The following MAOB variants were observed in gnomAD, a reference collection of about 807,000 sequenced individuals.
MAOB encodes the protein amine oxidase [flavin-containing] B.
MAOB carries 15 observed loss-of-function variants against 41.9 expected under a neutral mutation model. The ratio of observed to expected loss-of-function variants is 0.36; its 90% CI spans 0.24 to 0.55. The LOEUF (loss-of-function observed/expected upper bound fraction) is 0.55, where lower values mean the gene tolerates loss of function less well. Ranked by LOEUF, MAOB falls within the 20% of genes least tolerant of loss-of-function variation. The pLI is 0.86. For missense variants in MAOB, 345 were observed against 398.7 expected, an observed-to-expected ratio of 0.87 and a Z score of 1.15; for synonymous variants, 167 against 144.2, an observed-to-expected ratio of 1.16 and a Z score of -1.13.
intron 1 of MAOB, among the ~76,000 whole-genome samples, chrX:43,857,112 TATATAGAGAGAGAGAGAGAGAGAGAGAG>T (rs1162809534): frequency 1.1e-3 from 17 of 15,017 alleles, no homozygotes; most frequent in Non-Finnish European, 1.6e-3. Flanking sequence ...TATATATATA[TATATAGAGAGAGAGAGAGAGAGAGAGAG>T]AGAGAGAGAG....
At chrX:43,826,491 T>C (rs764058095) in intron 3 of MAOB, among the ~76,000 whole-genome samples, 1 of 112,234 alleles carries the variant, frequency 8.9e-6, no homozygotes, top group East Asian at 2.8e-4. Context: ...GTGGACAAAA[T>C]GGAAAAAGAA....
chrX:43,826,988 A>T (rs1453372912), intron 3 of MAOB, among the ~76,000 whole-genome samples: 1 of 111,834 alleles, frequency 8.9e-6, no homozygotes, highest in Non-Finnish European at 1.9e-5. Context: ...TACATGTATA[A>T]TATGATATAC....
intron 3 of MAOB, among the ~76,000 whole-genome samples, chrX:43,815,392 T>C (rs1461969360): frequency 9.0e-6 from 1 of 111,552 alleles, no homozygotes; most frequent in African/African-American, 3.3e-5. Context: ...AACTCCAGAG[T>C]GTTCTGGCCT....
At chrX:43,867,418 GA>G (rs1224896582) in intron 1 of MAOB, among the ~76,000 whole-genome samples, 1 of 112,304 alleles carries the variant, frequency 8.9e-6, no homozygotes, top group Non-Finnish European at 1.9e-5. Flanking sequence ...TTAGATCATG[GA>G]AAGTATTTTA....
chrX:43,853,314 G>A (rs764277686), intron 1 of MAOB, among the ~76,000 whole-genome samples: 1 of 103,921 alleles, frequency 9.6e-6, no homozygotes, highest in East Asian at 3.0e-4. Flanking sequence ...GAAATGAGAA[G>A]GAAAAGGACA....
chrX:43,874,040 G>A (rs369388751), intron 1 of MAOB, among the ~76,000 whole-genome samples: 1 of 111,960 alleles, frequency 8.9e-6, no homozygotes, highest in South Asian at 3.7e-4. Flanking sequence ...AGAGATACAC[G>A]TTTTATCATT....
chrX:43,793,156 A>G (rs2034483739), intron 8 of MAOB, among the ~76,000 whole-genome samples: 1 of 111,523 alleles, frequency 9.0e-6, no homozygotes, highest in Non-Finnish European at 1.9e-5. Flanking sequence ...AAAGATGAAA[A>G]TAATAGACAC....
intron 8 of MAOB, among the ~76,000 whole-genome samples, chrX:43,790,716 G>A (rs1444958191): frequency 9.1e-6 from 1 of 110,392 alleles, no homozygotes; most frequent in Non-Finnish European, 1.9e-5. Context: ...CGAGAAGCTG[G>A]TACCACAGGT....
chrX:43,855,111 C>T (rs2035279673), intron 1 of MAOB, among the ~76,000 whole-genome samples: 1 of 111,434 alleles, frequency 9.0e-6, no homozygotes, highest in Non-Finnish European at 1.9e-5. Flanking sequence ...GGTGGCAGGT[C>T]AAGACTGTGA....
At chrX:43,803,224 A>G (rs753919920) in intron 4 of MAOB, 76 bp downstream of exon 4, 9 of 905,769 alleles carry the variant, frequency 9.9e-6, no homozygotes, top group South Asian at 6.1e-5. Context: ...GGTGTTGGAG[A>G]TATATTTTAC....
intron 1 of MAOB, among the ~76,000 whole-genome samples, chrX:43,875,963 T>C (rs772821747): frequency 2.7e-5 from 3 of 110,617 alleles, no homozygotes; most frequent in African/African-American, 9.9e-5. Context: ...TTATTAATTA[T>C]TTATTTATTT....
chrX:43,778,793 A>G, intron 10 of MAOB, 54 bp from the exon 11 acceptor site: 9 of 981,464 alleles, frequency 9.2e-6, no homozygotes, highest in Non-Finnish European at 1.3e-5. Flanking sequence ...GAGGGAAAAA[A>G]AAAGTGGGAA....
chrX:43,831,456 A>G lies in MAOB; in HGVS notation c.279+7412T>C, dbSNP rs921356447. ...AAAAAGCCGTAACATTTGGTGTATGACATTCCAGACCTCTTATATAAGCAT... is the reference window on the plus strand; with the variant it reads ...AAAAAGCCGTAACATTTGGTGTATGGCATTCCAGACCTCTTATATAAGCAT... On this transcript the variant is annotated intron_variant, in intron 3 of 14. Transcript: ENST00000378069. Among the ~76,000 whole-genome samples the G allele has an allele frequency of 2.7e-5, 3 of 111,333 alleles. No individual in the cohort carries two copies. In the South Asian group the frequency reaches 1.1e-3, roughly 42 times the overall value.
chrX:43,882,264 G>T lies in MAOB; in HGVS notation c.36C>A (p.Gly12=). Residue 12 remains glycine (G), a synonymous_variant, in exon 1 of 15, where the codon GGC becomes GGA. Coordinates refer to ENST00000378069, the MANE Select transcript of MAOB (RefSeq NM_000898.5). The part of the protein sequence containing the change: ...SNKCDVVVVG[G]GISGMAAAKL... Reference sequence around the variant, plus strand: ...ACAGCCGCGACTAACCTGAGATGCCGCCCCCCACCACGACCACGTCGCATT... The same window carrying T: ...ACAGCCGCGACTAACCTGAGATGCCTCCCCCCACCACGACCACGTCGCATT... 1 of 1,209,210 alleles carries T rather than the reference G, an allele frequency of 8.3e-7. No individual in the cohort carries two copies. The highest frequency in any genetic ancestry group is 1.8e-5 in the South Asian group (1 of 56,483).
chrX:43,809,583 C>T (rs940325441), intron 3 of MAOB, among the ~76,000 whole-genome samples: 5 of 112,027 alleles, frequency 4.5e-5, no homozygotes, highest in African/African-American at 1.6e-4. Flanking sequence ...TGCAAATCTT[C>T]AAGCTTCAGG....
intron 3 of MAOB, among the ~76,000 whole-genome samples, chrX:43,836,774 A>G (rs769479808): frequency 5.5e-4 from 62 of 112,416 alleles, no homozygotes; most frequent in African/African-American, 2.0e-3. Flanking sequence ...TACTTTTGTC[A>G]TAATTAAAAA....
At chrX:43,870,794 C>CAAAA (rs763016344) in intron 1 of MAOB, among the ~76,000 whole-genome samples, 8 of 21,907 alleles carry the variant, frequency 3.7e-4, no homozygotes, top group African/African-American at 7.6e-4. Flanking sequence ...GACTCCACCT[C>CAAAA]AAAAAAAAAA....
rs562774487 is a variant in MAOB at position 43,800,370 on chromosome X, G to A, written c.476+1802C>T. Reference sequence around the variant, plus strand: ...GATAATTACATACTTATTATATTTTGAAAATCTAAAGTATATAATTTAAAA... The same window carrying A: ...GATAATTACATACTTATTATATTTTAAAAATCTAAAGTATATAATTTAAAA... On this transcript the variant is annotated intron_variant, in intron 5 of 14. Transcript: ENST00000378069. Among the ~76,000 whole-genome samples, 45 of 111,118 alleles carry A rather than the reference G, an allele frequency of 4.0e-4. No individual in the cohort carries two copies. The South Asian group carries it at 0.017, about 41-fold the overall frequency.
chrX:43,837,308 T>C (rs2035082320), intron 3 of MAOB, among the ~76,000 whole-genome samples: 1 of 112,692 alleles, frequency 8.9e-6, no homozygotes, highest in Non-Finnish European at 1.9e-5. Flanking sequence ...CTAATTCATG[T>C]GTCTCTTTTT....
Sources: allele counts gnomAD v4.1 joint callset (sites outside exome capture counted in the v4.1 genomes callset), GRCh38; gene constraint gnomAD v4.1.1; transcripts MANE v1.5; gene names NCBI Gene and HGNC (gene_info 2026-07-23, HGNC 2026-07-21).